Variants in PAX5 observed in about 807,000 individuals in gnomAD.
PAX5 encodes paired box 5, also known as paired box protein Pax-5.
PAX5 carries 9 observed loss-of-function variants against 43.7 expected under a neutral mutation model. That is an observed-to-expected ratio of 0.21 (90% CI 0.12 to 0.36). The LOEUF is 0.36. Ranked by LOEUF, PAX5 falls within the 10% of genes least tolerant of loss-of-function variation. The probability of loss-of-function intolerance (pLI) is 1.00; values close to 1 mark genes in which losing one functional copy is unlikely to be tolerated. For missense variants in PAX5, 383 were observed against 532.7 expected, an observed-to-expected ratio of 0.72 and a Z score of 2.77; for synonymous variants, 228 against 214.3, an observed-to-expected ratio of 1.06 and a Z score of -0.56.
intron 8 of PAX5, among the ~76,000 whole-genome samples, chr9:36,851,135 C>T (rs1415221582): frequency 1.3e-5 from 2 of 152,166 alleles, no homozygotes; most frequent in African/African-American, 4.8e-5. Flanking sequence ...AATAAAAGCA[C>T]CTACATCATA....
At chr9:37,029,393 C>G (rs1013737084) in intron 1 of PAX5, among the ~76,000 whole-genome samples, 1 of 152,216 alleles carries the variant, frequency 6.6e-6, no homozygotes, top group Non-Finnish European at 1.5e-5. Flanking sequence ...CCCCACCCCC[C>G]ACCAGGGCAC....
Position 37,011,443 on chromosome 9 carries a change from G to A in PAX5, c.410+3554C>T, listed in dbSNP as rs1838924317. ...AAATAGAGCTGCCCCTCTAAGCTGG[G>A]AGTGCCACTTGTACTCCCCACCCCT... On this transcript the variant is annotated intron_variant, in intron 3 of 9. Transcript: ENST00000358127. 3.9e-5 allele frequency among the ~76,000 whole-genome samples: 6 copies of A among 152,158 alleles called. No individual in the cohort carries two copies. The South Asian group carries it at 1.2e-3, about 31-fold the overall frequency.
At chr9:36,986,207 G>A (rs1301709458) in intron 5 of PAX5, among the ~76,000 whole-genome samples, 5 of 151,576 alleles carry the variant, frequency 3.3e-5, no homozygotes, top group Admixed American at 6.6e-5. Flanking sequence ...AAACTCAATT[G>A]TTCTCAGCGG....
chr9:36,979,608 C>A (rs1278760725), intron 5 of PAX5, among the ~76,000 whole-genome samples: 2 of 152,144 alleles, frequency 1.3e-5, no homozygotes, highest in African/African-American at 4.8e-5. Context: ...TCCCATTTTG[C>A]AGATGAGAAA....
chr9:37,012,235 C>T (rs1439859650), intron 3 of PAX5, among the ~76,000 whole-genome samples: 3 of 152,194 alleles, frequency 2.0e-5, no homozygotes, highest in Non-Finnish European at 4.4e-5. Context: ...TCTTGTCTCT[C>T]ATCTCACAGA....
rs1203981321 is a variant in PAX5, at chr9:37,015,707, G to C, written c.213-513C>G. 6.6e-6 allele frequency among the ~76,000 whole-genome samples: 1 copy of C among 151,976 alleles called. No homozygotes were observed. The highest frequency in any genetic ancestry group is 2.1e-4 in the South Asian group (1 of 4,810). On this transcript the variant is annotated intron_variant, in intron 2 of 9. Coordinates refer to ENST00000358127, the MANE Select transcript of PAX5 (RefSeq NM_016734.3). The surrounding 1 kb of genome is among the most constrained non-coding windows in gnomAD (Gnocchi z 4.4). ...TGATTCTCCTGCCTCAGCCTCCCGA[G>C]TAGCTGGGATTACAGGCATGTGCCA...
At chr9:36,949,896 C>T (rs1262744515) in intron 6 of PAX5, among the ~76,000 whole-genome samples, 2 of 152,244 alleles carry the variant, frequency 1.3e-5, no homozygotes, top group Non-Finnish European at 2.9e-5. Flanking sequence ...TTCCTCCTGG[C>T]AGATTTCCCG....
intron 5 of PAX5, among the ~76,000 whole-genome samples, chr9:36,999,112 A>G (rs536700748): frequency 3.9e-5 from 6 of 152,104 alleles, no homozygotes; most frequent in African/African-American, 1.2e-4. Context: ...TATCTCCCTA[A>G]ATGCTTCTAG....
chr9:36,870,369 T>A (rs1825386049), intron 8 of PAX5, among the ~76,000 whole-genome samples: 1 of 152,262 alleles, frequency 6.6e-6, no homozygotes, highest in Non-Finnish European at 1.5e-5. Context: ...AGCTTATTTT[T>A]ATAATTTTAC....
At chr9:37,030,347 A>G (rs1336257823) in intron 1 of PAX5, among the ~76,000 whole-genome samples, 2 of 152,026 alleles carry the variant, frequency 1.3e-5, no homozygotes, top group Admixed American at 6.5e-5. Flanking sequence ...AGGTCACCAA[A>G]CGACAGCCCA....
At chr9:36,929,837 C>T (rs540304076) in intron 6 of PAX5, among the ~76,000 whole-genome samples, 4 of 152,322 alleles carry the variant, frequency 2.6e-5, no homozygotes, top group African/African-American at 7.2e-5. Context: ...GTGATTCTCC[C>T]GTCTCAACCT....
intron 1 of PAX5, among the ~76,000 whole-genome samples, chr9:37,031,666 G>C (rs12236238): frequency 0.041 from 6,223 of 151,862 alleles, 248 homozygotes; most frequent in African/African-American, 0.11. Context: ...TTATGATCTC[G>C]AACAAGTCCC....
intron 6 of PAX5, among the ~76,000 whole-genome samples, chr9:36,944,623 A>G (rs2132076507): frequency 6.6e-6 from 1 of 152,284 alleles, no homozygotes; most frequent in East Asian, 1.9e-4. Context: ...TTTTCTGACT[A>G]ACTCTCAAAC....
intron 1 of PAX5, among the ~76,000 whole-genome samples, chr9:37,029,937 G>C (rs1259957755): frequency 6.6e-6 from 1 of 152,184 alleles, no homozygotes; most frequent in Non-Finnish European, 1.5e-5. Flanking sequence ...TCTCAAAAGC[G>C]CCTCTCCAGA....
At chr9:36,843,235 C>A (rs12341554) in intron 9 of PAX5, among the ~76,000 whole-genome samples, 1 of 152,132 alleles carries the variant, frequency 6.6e-6, no homozygotes, top group Non-Finnish European at 1.5e-5. Context: ...CATGCCCTGG[C>A]GCCCTCCCCA....
At chr9:36,995,029 AC>A (rs146860149) in intron 5 of PAX5, among the ~76,000 whole-genome samples, 1,630 of 152,208 alleles carry the variant, frequency 0.011, 34 homozygotes, top group African/African-American at 0.038. Context: ...GGACATGTAG[AC>A]ACCTCTCTAC....
intron 8 of PAX5, among the ~76,000 whole-genome samples, chr9:36,876,476 G>C (rs576337172): frequency 6.6e-6 from 1 of 152,152 alleles, no homozygotes; most frequent in Non-Finnish European, 1.5e-5. Flanking sequence ...AAGCCAAAGG[G>C]CAATGAACTC....
Position 36,918,040 on chromosome 9 carries a change from C to A in PAX5, c.910+5315G>T, listed in dbSNP as rs569653823. On this transcript the variant is annotated intron_variant, in intron 7 of 9. Transcript: ENST00000358127. ...TCACTGATTGGCTGTTCCCTCATCT[C>A]TCTTCTTCTCCTAGGGCCTCCCTAT... is the stretch of plus-strand genomic sequence containing the variant. 3.9e-5 allele frequency among the ~76,000 whole-genome samples: 6 copies of A among 152,310 alleles called. 1 individual carries two copies. In the South Asian group the frequency reaches 1.2e-3, roughly 32 times the overall value.
chr9:36,948,131 T>C (rs1394811101), intron 6 of PAX5, among the ~76,000 whole-genome samples: 1 of 152,204 alleles, frequency 6.6e-6, no homozygotes, highest in African/African-American at 2.4e-5. Context: ...ATGGAGAAAC[T>C]GATGCTGAGT....
Sources: gnomAD v4.1 joint callset for allele counts (sites outside exome capture counted in the v4.1 genomes callset) on GRCh38, gnomAD v4.1.1 for gene constraint, Gnocchi (gnomAD v3.1) non-coding constraint, MANE v1.5 for transcripts, NCBI Gene and HGNC (gene_info 2026-07-23, HGNC 2026-07-21) for gene names.